Variants in PRSS16 observed in about 807,000 individuals in gnomAD.
The protein encoded by PRSS16 is thymus-specific serine protease.
PRSS16 carries 43 observed loss-of-function variants against 61.7 expected under a neutral mutation model. That is an observed-to-expected ratio of 0.70 (90% CI 0.55 to 0.90). The LOEUF is 0.90. Among genes scored for constraint, PRSS16 ranks in the 40% least tolerant of loss-of-function variants. The probability of loss-of-function intolerance (pLI) is 0.00; values close to 1 mark genes in which losing one functional copy is unlikely to be tolerated. For synonymous variants in PRSS16, 273 were observed against 285.2 expected (o/e 0.96, Z 0.43); for missense variants, 591 against 659.1 (o/e 0.90, Z 1.13).
chr6:27,254,590 T>C, intron 9 of PRSS16, 103 bp from the exon 10 acceptor site: 1 of 1,143,388 alleles, frequency 8.7e-7, no homozygotes, highest in Non-Finnish European at 1.3e-6. Flanking sequence ...AAGGGAGTAT[T>C]AGAAATGTTC....
intron 9 of PRSS16, chr6:27,253,687 C>T (rs1223604457): frequency 1.5e-5 from 3 of 198,078 alleles, no homozygotes; most frequent in South Asian, 7.9e-5. Context: ...ATTTTCTACT[C>T]GTAATCTTGG....
At position 27,251,338 on chromosome 6, in the gene PRSS16, G is replaced by C; in HGVS notation, c.717+74G>C. 1 of 1,502,870 alleles carries C rather than the reference G, an allele frequency of 6.7e-7. No individual in the cohort carries two copies. Among genetic ancestry groups the C allele is most frequent in the Non-Finnish European group, 8.9e-7 (1 of 1,123,400 alleles). The allele number at this position is 1,502,870 out of a possible 1,614,324, so 93.1% of individuals were successfully genotyped here. ...TCGGATGCCAGGGAAGAGGAGGCCAGAGAAGGGCGAAACCTGCAACGTGGC... is the reference window on the plus strand; with the variant it reads ...TCGGATGCCAGGGAAGAGGAGGCCACAGAAGGGCGAAACCTGCAACGTGGC... On this transcript the variant is annotated intron_variant, in intron 7 of 11. Coordinates refer to ENST00000230582, the MANE Select transcript of PRSS16 (RefSeq NM_005865.4). This position sits in a 1 kb window ranked among gnomAD's most constrained non-coding sequence, Gnocchi z 5.6.
Position 27,251,329 on chromosome 6 carries a change from AG to A in PRSS16, c.717+67del. On this transcript the variant is annotated intron_variant, in intron 7 of 11. Transcript: ENST00000230582. This position sits in a 1 kb window ranked among gnomAD's most constrained non-coding sequence, Gnocchi z 5.6. ...AAAGAGGCCTCGGATGCCAGGGAAG[AG>A]GAGGCCAGAGAAGGGCGAAACCTGC... is the stretch of plus-strand genomic sequence containing the variant. 6.5e-7 allele frequency: 1 copy of A among 1,527,984 alleles called. No individual in the cohort carries two copies. Among genetic ancestry groups the A allele is most frequent in the South Asian group, 1.3e-5 (1 of 79,220 alleles). The allele number at this position is 1,527,984 out of a possible 1,614,324, so 94.7% of individuals were successfully genotyped here.
chr6:27,249,367 T>G, intron 4 of PRSS16, 138 bp downstream of exon 4: 1 of 1,139,688 alleles, frequency 8.8e-7, no homozygotes, highest in South Asian at 1.6e-5. Context: ...TCTTCTGTGT[T>G]TCATAGGGTC....
In PRSS16 at chr6:27,254,992, C is replaced by T; in HGVS notation, c.1337C>T (p.Thr446Ile). ...ANKVLFVNGD[T>I]DPWHVLSVTQ... ...TCCTATCCTTTCTTTCCAGGGGACACAGACCCCTGGCATGTGCTAAGTGTA... is the reference window on the plus strand; with the variant it reads ...TCCTATCCTTTCTTTCCAGGGGACATAGACCCCTGGCATGTGCTAAGTGTA... The change falls in exon 11 of 12, where the codon ACA (threonine) becomes ATA (isoleucine). Residue 446 changes from threonine to isoleucine, a missense_variant. Thr to Ile is a moderately conservative substitution (Grantham distance 89). Coordinates refer to ENST00000230582, the MANE Select transcript of PRSS16 (RefSeq NM_005865.4). 1 of 1,612,354 alleles carries T rather than the reference C, an allele frequency of 6.2e-7. No homozygotes were observed. The highest frequency in any genetic ancestry group is 8.5e-7 in the Non-Finnish European group (1 of 1,178,382).
At position 27,251,157 on chromosome 6, in the gene PRSS16, G is replaced by C; in HGVS notation, c.669+38G>C. On this transcript the variant is annotated intron_variant, in intron 6 of 11. Coordinates refer to ENST00000230582, the MANE Select transcript of PRSS16 (RefSeq NM_005865.4). This position sits in a 1 kb window ranked among gnomAD's most constrained non-coding sequence, Gnocchi z 5.6. The stretch of plus-strand genomic sequence containing the variant: ...GGCAGCAGGTGCGGGACGGGGAGGG[G>C]TCCCAGCGGGCGGAGTCCCTTGACA... 1.9e-6 allele frequency: 3 copies of C among 1,613,972 alleles called. No homozygotes were observed. Among genetic ancestry groups the C allele is most frequent in the Non-Finnish European group, 2.5e-6 (3 of 1,179,998 alleles).
Position 27,249,209 on chromosome 6 carries a change from C to A in PRSS16, c.447C>A (p.Arg149=). Residue 149 remains arginine (R), a synonymous_variant, in exon 4 of 12, where the codon CGC becomes CGA. Coordinates refer to ENST00000230582, the MANE Select transcript of PRSS16 (RefSeq NM_005865.4). ...GAGGCCTGGAAATGGCCCAGCTCCG[C>A]TTCTTGTCCAGCCGCCTTGCGTGAG... ...PAGGLEMAQL[R]FLSSRLALAD... is the part of the protein sequence containing the mutation. 1 of 1,613,942 alleles carries A rather than the reference C, an allele frequency of 6.2e-7. No homozygotes were observed. The highest frequency in any genetic ancestry group is 1.7e-5 in the Admixed American group (1 of 59,996).
intron 2 of PRSS16, 40 bp downstream of exon 2, chr6:27,248,088 C>T (rs981325746): frequency 6.3e-7 from 1 of 1,588,980 alleles, no homozygotes; most frequent in African/African-American, 1.3e-5. Flanking sequence ...CCATCCTGCC[C>T]TCTCCTCAGT....
chr6:27,251,962 G>T lies in PRSS16; in HGVS notation c.930G>T (p.Gln310His). 1 of 1,607,018 alleles carries T rather than the reference G, an allele frequency of 6.2e-7. No homozygotes were observed. The highest frequency in any genetic ancestry group is 8.5e-7 in the Non-Finnish European group (1 of 1,177,340). ...GQTGAPLSVR[Q>H]LCGLLLGGGG... ...CGGGAGCGCCGCTAAGCGTGCGACA[G>T]CTCTGCGGACTTCTCCTCGGGGGCG... The change falls in exon 8 of 12, where the codon CAG becomes CAT. Residue 310 changes from glutamine (Q) to histidine (H), a missense_variant. Coordinates refer to ENST00000230582, the MANE Select transcript of PRSS16 (RefSeq NM_005865.4). This position sits in a 1 kb window ranked among gnomAD's most constrained non-coding sequence, Gnocchi z 5.6.
rs1759896123 is a variant in PRSS16 at position 27,251,455 on chromosome 6, G to T, written c.717+191G>T. The T allele has an allele frequency of 4.2e-5, 34 of 806,678 alleles. No individual in the cohort carries two copies. The South Asian group carries it at 6.1e-4, about 15-fold the overall frequency. The allele number at this position is 806,678 out of a possible 1,614,324, so 50.0% of individuals were successfully genotyped here. A position where few individuals can be genotyped will look rare whatever the true frequency, so the allele number is the denominator to read the frequency against. Reference sequence around the variant, plus strand: ...GAGGAGGGGCACCAGGAAAAGAGGCGCTCCCCAGAGAGGGCGGGGTTTGGG... The same window carrying T: ...GAGGAGGGGCACCAGGAAAAGAGGCTCTCCCCAGAGAGGGCGGGGTTTGGG... On this transcript the variant is annotated intron_variant, in intron 7 of 11. Coordinates refer to ENST00000230582, the MANE Select transcript of PRSS16 (RefSeq NM_005865.4). The surrounding 1 kb of genome is among the most constrained non-coding windows in gnomAD (Gnocchi z 5.6).
rs764115802 is a variant in PRSS16, at chr6:27,251,904, T to G, written c.872T>G (p.Leu291Arg). The G allele has an allele frequency of 3.7e-6, 6 of 1,612,934 alleles. No homozygotes were observed. In the East Asian group the frequency reaches 1.3e-4, roughly 36 times the overall value. ...QAELLGALQA[L>R]VGGVVQYDGQ... ...GAGCTGTTGGGGGCGCTGCAGGCAC[T>G]GGTGGGAGGTGTAGTGCAGTATGAT... The change falls in exon 8 of 12, where the codon CTG becomes CGG. Residue 291 changes from leucine to arginine, a missense_variant. Physicochemically the swap from Leu to Arg is moderately radical, Grantham distance 102. Coordinates refer to ENST00000230582, the MANE Select transcript of PRSS16 (RefSeq NM_005865.4). This position sits in a 1 kb window ranked among gnomAD's most constrained non-coding sequence, Gnocchi z 5.6.
rs1371949852 is a variant in PRSS16, at chr6:27,252,049, T to C, written c.1008+9T>C. ...TTCGTCGGGCGGTGCAGGTGAGCAC[T>C]CCCTGGCACAGCTGGGAGGAGTTAG... On this transcript the variant is annotated intron_variant, in intron 8 of 11. Coordinates refer to ENST00000230582, the MANE Select transcript of PRSS16 (RefSeq NM_005865.4). This position sits in a 1 kb window ranked among gnomAD's most constrained non-coding sequence, Gnocchi z 4.2. 13 of 1,494,146 alleles carry C rather than the reference T, an allele frequency of 8.7e-6. No individual in the cohort carries two copies. Among genetic ancestry groups the C allele is most frequent in the Non-Finnish European group, 9.8e-6 (11 of 1,126,202 alleles). 92.6% of individuals were successfully genotyped at this position (1,494,146 alleles called of 1,614,324 possible).
In PRSS16 at chr6:27,251,366, G is replaced by C. The variant is rs950266301; in HGVS notation, c.717+102G>C. 1.4e-6 allele frequency: 2 copies of C among 1,414,388 alleles called. No individual in the cohort carries two copies. Among genetic ancestry groups the C allele is most frequent in the Non-Finnish European group, 1.9e-6 (2 of 1,059,272 alleles). The allele number at this position is 1,414,388 out of a possible 1,614,324, so 87.6% of individuals were successfully genotyped here. A position where few individuals can be genotyped will look rare whatever the true frequency, so the allele number is the denominator to read the frequency against. On this transcript the variant is annotated intron_variant, in intron 7 of 11. Transcript: ENST00000230582. The surrounding 1 kb of genome is among the most constrained non-coding windows in gnomAD (Gnocchi z 5.6). ...AAGGGCGAAACCTGCAACGTGGCGGGGTCTAAGGAAGGTCGGAGCTCGGGG... is the reference window on the plus strand; with the variant it reads ...AAGGGCGAAACCTGCAACGTGGCGGCGTCTAAGGAAGGTCGGAGCTCGGGG...
In PRSS16 at chr6:27,247,980, C is replaced by A; in HGVS notation, c.169C>A (p.Pro57Thr). 1 of 1,612,632 alleles carries A rather than the reference C, an allele frequency of 6.2e-7. No individual in the cohort carries two copies. The highest frequency in any genetic ancestry group is 1.3e-5 in the African/African-American group (1 of 75,014). The stretch of plus-strand genomic sequence containing the variant: ...CCTGGGGCCAGGTGCTGCAGCCCTC[C>A]CAAAAGTGGGGTGGCTGGAGCAACT... Reference protein sequence around the residue: ...LSLGPGAAALPKVGWLEQLLD... With the variant: ...LSLGPGAAALTKVGWLEQLLD... Residue 57 changes from proline to threonine, a missense_variant, in exon 2 of 12, where the codon CCA becomes ACA. Coordinates refer to ENST00000230582, the MANE Select transcript of PRSS16 (RefSeq NM_005865.4).
At position 27,248,842 on chromosome 6, in the gene PRSS16, C is replaced by G. The variant is rs528406374; in HGVS notation, c.238-5C>G. The G allele has an allele frequency of 1.2e-5, 19 of 1,589,384 alleles. No individual in the cohort carries two copies. In the South Asian group the frequency reaches 2.0e-4, roughly 17 times the overall value. On this transcript the variant is annotated splice_polypyrimidine_tract_variant and splice_region_variant and intron_variant, in intron 2 of 11. Transcript: ENST00000230582. ...CCATTTCTTCTTCCCCATCCCACCTCTCAGCGTTACTGGGTGAATGACCAA... is the reference window on the plus strand; with the variant it reads ...CCATTTCTTCTTCCCCATCCCACCTGTCAGCGTTACTGGGTGAATGACCAA...
At chr6:27,253,132 A>T (rs1180249271) in intron 9 of PRSS16, 183 bp downstream of exon 9, 2 of 694,418 alleles carry the variant, frequency 2.9e-6, no homozygotes, top group Non-Finnish European at 5.0e-6. Flanking sequence ...TGGCCCTCAC[A>T]TGCCTCCTCA....
Position 27,251,391 on chromosome 6 carries a change from G to A in PRSS16, c.717+127G>A. The A allele has an allele frequency of 1.7e-6, 2 of 1,210,758 alleles. No homozygotes were observed. The highest frequency in any genetic ancestry group is 1.6e-5 in the South Asian group (1 of 63,354). The allele number at this position is 1,210,758 out of a possible 1,614,324, so 75.0% of individuals were successfully genotyped here. A position where few individuals can be genotyped will look rare whatever the true frequency, so the allele number is the denominator to read the frequency against. On this transcript the variant is annotated intron_variant, in intron 7 of 11. Transcript: ENST00000230582. The surrounding 1 kb of genome is among the most constrained non-coding windows in gnomAD (Gnocchi z 5.6). ...GGTCTAAGGAAGGTCGGAGCTCGGG[G>A]GAATACGCAGGTTTTGGAAGAAGGC...
chr6:27,251,701 C>G lies in PRSS16; in HGVS notation c.718-49C>G. 1.3e-6 allele frequency: 2 copies of G among 1,549,140 alleles called. No homozygotes were observed. Among genetic ancestry groups the G allele is most frequent in the Non-Finnish European group, 1.7e-6 (2 of 1,159,866 alleles). ...GGACGCAGGTCCTGGGTAGGGAAAG[C>G]CGAGGCCCAGCCTAAGTCTTGGCGG... On this transcript the variant is annotated intron_variant, in intron 7 of 11. Coordinates refer to ENST00000230582, the MANE Select transcript of PRSS16 (RefSeq NM_005865.4). The surrounding 1 kb of genome is among the most constrained non-coding windows in gnomAD (Gnocchi z 5.6).
rs771034416 is a variant in PRSS16 at position 27,248,028 on chromosome 6, G to A, written c.217G>A (p.Asp73Asn). ...ACTGCTGGACCCCTTCAACGTGTCC[G>A]ACAGACGATCCTTCCTACAGGTGAG... ...EQLLDPFNVSDRRSFLQRYWV... is the reference protein window; with the variant it reads ...EQLLDPFNVSNRRSFLQRYWV... The change falls in exon 2 of 12, where the codon GAC becomes AAC. Residue 73 changes from aspartate to asparagine, a missense_variant. Asp to Asn is a conservative substitution (Grantham distance 23, BLOSUM62 1). Coordinates refer to ENST00000230582, the MANE Select transcript of PRSS16 (RefSeq NM_005865.4). 10 of 1,613,646 alleles carry A rather than the reference G, an allele frequency of 6.2e-6. No homozygotes were observed. Among genetic ancestry groups the A allele is most frequent in the Middle Eastern group, 3.3e-4 (2 of 6,058 alleles).
Sources: allele counts gnomAD v4.1 joint callset, GRCh38; gene constraint gnomAD v4.1.1; non-coding constraint Gnocchi (gnomAD v3.1); transcripts MANE v1.5; gene names NCBI Gene and HGNC (gene_info 2026-07-23, HGNC 2026-07-21).